NALCN: variants seen among roughly 807,000 people sequenced by gnomAD.
The protein encoded by NALCN is sodium leak channel NALCN.
Under a neutral mutation model 225.3 loss-of-function variants are expected in NALCN, and 111 were observed. That is an observed-to-expected ratio of 0.49 (90% CI 0.42 to 0.58). The LOEUF (loss-of-function observed/expected upper bound fraction) is 0.58, where lower values mean the gene tolerates loss of function less well. NALCN is among the 20% of genes least tolerant of loss of function. The pLI is 0.00. For missense variants in NALCN, 1,378 were observed against 2,202.4 expected (o/e 0.63, Z 7.49); for synonymous variants, 764 against 769.0 (o/e 0.99, Z 0.11).
At chr13:101,335,439 CT>C (rs1444162739) in intron 7 of NALCN, among the ~76,000 whole-genome samples, 5 of 152,138 alleles carry the variant, frequency 3.3e-5, no homozygotes, top group Admixed American at 2.0e-4. Flanking sequence ...GATAAAACTC[CT>C]TGCATTTGGC....
intron 43 of NALCN, among the ~76,000 whole-genome samples, chr13:101,056,280 A>AGAC (rs2031248375): frequency 1.4e-5 from 1 of 70,328 alleles, no homozygotes; most frequent in South Asian, 4.4e-4. Context: ...TTTTTTTGGG[A>AGAC]GACAGGTTCT....
At chr13:101,311,083 G>C in intron 7 of NALCN, among the ~76,000 whole-genome samples, 1 of 151,298 alleles carries the variant, frequency 6.6e-6, no homozygotes, top group Non-Finnish European at 1.5e-5. Flanking sequence ...CACATCCCTC[G>C]TAAGTTGGAT....
intron 17 of NALCN, among the ~76,000 whole-genome samples, chr13:101,127,386 T>C (rs956753267): frequency 6.6e-6 from 1 of 151,980 alleles, no homozygotes; most frequent in Non-Finnish European, 1.5e-5. Flanking sequence ...TGAGAAAGAG[T>C]CTCACTCTGT....
intron 3 of NALCN, among the ~76,000 whole-genome samples, chr13:101,389,417 TC>T (rs763848780): frequency 3.3e-5 from 5 of 152,092 alleles, no homozygotes; most frequent in Non-Finnish European, 1.5e-5. Context: ...TGCAGAAAGA[TC>T]AGAGGCAATG....
chr13:101,160,161 A>G (rs186836649), intron 15 of NALCN, among the ~76,000 whole-genome samples: 51 of 152,178 alleles, frequency 3.4e-4, no homozygotes, highest in Admixed American at 7.2e-4. Context: ...TCACCATGTT[A>G]GCCAGGATGG....
intron 10 of NALCN, among the ~76,000 whole-genome samples, chr13:101,269,870 A>T (rs908458007): frequency 1.3e-5 from 2 of 152,234 alleles, no homozygotes; most frequent in African/African-American, 4.8e-5. Context: ...ATTAAGAATG[A>T]AAATGCTAAA....
chr13:101,114,335 C>T (rs747392409), intron 18 of NALCN, among the ~76,000 whole-genome samples: 12 of 152,092 alleles, frequency 7.9e-5, no homozygotes, highest in African/African-American at 2.2e-4. Context: ...GAAACATCAA[C>T]GCTTTCTTTG....
chr13:101,265,982 T>A (rs2042583245), intron 10 of NALCN, among the ~76,000 whole-genome samples: 1 of 152,226 alleles, frequency 6.6e-6, no homozygotes, highest in Non-Finnish European at 1.5e-5. Flanking sequence ...AGATTTAAGA[T>A]TGCCATGGTT....
intron 1 of NALCN, among the ~76,000 whole-genome samples, chr13:101,403,650 T>G (rs1206231354): frequency 6.6e-6 from 1 of 152,248 alleles, no homozygotes; most frequent in African/African-American, 2.4e-5. Flanking sequence ...TGACTCATTT[T>G]TAATCATTAG....
At chr13:101,335,707 C>CT (rs1169865285) in intron 7 of NALCN, among the ~76,000 whole-genome samples, 135 of 141,298 alleles carry the variant, frequency 9.6e-4, no homozygotes, top group Middle Eastern at 3.9e-3. Flanking sequence ...CCCCTTGGTG[C>CT]TTTTTTTTTT....
At position 101,107,704 on chromosome 13, in the gene NALCN, A is replaced by G. The variant is rs766445481; in HGVS notation, c.2450T>C (p.Met817Thr). ...MIQEKKEQAE[M>T]KRKVQEEELR... Reference sequence around the variant, plus strand: ...ACACTGCAGCAACCTGTACCTTTTCATCTCTGCTTGCTCCTTTTTTTCCTG... The same window carrying G: ...ACACTGCAGCAACCTGTACCTTTTCGTCTCTGCTTGCTCCTTTTTTTCCTG... The change falls in exon 21 of 44, where the codon ATG (methionine) becomes ACG (threonine). Residue 817 changes from methionine to threonine, a missense_variant. Physicochemically the swap from Met to Thr is moderately conservative, Grantham distance 81 (BLOSUM62 -1). This residue lies in a region of NALCN where 292 missense variants were observed against 409.5 expected (regional missense o/e 0.71). Coordinates refer to ENST00000251127, the MANE Select transcript of NALCN (RefSeq NM_052867.4). 3.7e-6 allele frequency: 6 copies of G among 1,613,584 alleles called. No homozygotes were observed. Among genetic ancestry groups the G allele is most frequent in the Non-Finnish European group, 5.1e-6 (6 of 1,179,882 alleles).
chr13:101,091,737 C>G (rs1479007856), intron 28 of NALCN, among the ~76,000 whole-genome samples: 1 of 152,048 alleles, frequency 6.6e-6, no homozygotes, highest in African/African-American at 2.4e-5. Flanking sequence ...GCAAGTGAAC[C>G]GGTTCTCAGA....
rs1257561681 is a variant in NALCN at position 101,206,728 on chromosome 13, AT to A, written c.1627-14675del. Among the ~76,000 whole-genome samples the A allele has an allele frequency of 9.0e-5, 6 of 66,600 alleles. No homozygotes were observed. In the South Asian group the frequency reaches 1.4e-3, roughly 16 times the overall value. The allele number at this position is 66,600 out of a possible 152,430, so 43.7% of individuals were successfully genotyped here. On this transcript the variant is annotated intron_variant, in intron 13 of 43. Transcript: ENST00000251127. ...ATAATTCAAACAACAGGTTTTTTAA[AT>A]ATATATATATATATATACACATATA...
At chr13:101,366,700 G>C (rs959001780) in intron 6 of NALCN, among the ~76,000 whole-genome samples, 1 of 152,072 alleles carries the variant, frequency 6.6e-6, no homozygotes, top group African/African-American at 2.4e-5. Context: ...GTGATGTTTT[G>C]ATGTATGTAT....
chr13:101,366,588 A>AT (rs1383241335), intron 6 of NALCN, among the ~76,000 whole-genome samples: 1 of 152,262 alleles, frequency 6.6e-6, no homozygotes, highest in East Asian at 1.9e-4. Flanking sequence ...CAGCCATCAT[A>AT]CCTTAGCTTA....
chr13:101,256,825 G>A lies in NALCN; in HGVS notation c.1266+1618C>T, dbSNP rs139631624. On this transcript the variant is annotated intron_variant, in intron 11 of 43. Coordinates refer to ENST00000251127, the MANE Select transcript of NALCN (RefSeq NM_052867.4). The stretch of plus-strand genomic sequence containing the variant: ...GTCACCCTGGCTGGAATTCAGTGGT[G>A]CGCTCTTGGCTCACTGCAACCTCCG... Among the ~76,000 whole-genome samples the A allele has an allele frequency of 2.7e-4, 39 of 144,834 alleles. 1 individual carries two copies. The East Asian group carries it at 7.8e-3, about 29-fold the overall frequency.
intron 14 of NALCN, chr13:101,181,313 A>G (rs1213468206): frequency 3.9e-6 from 2 of 519,012 alleles, no homozygotes; most frequent in East Asian, 1.1e-4. Context: ...TGAGTGCCAC[A>G]GAGGTCACGG....
chr13:101,292,375 A>T lies in NALCN; in HGVS notation c.800-9T>A. The stretch of plus-strand genomic sequence containing the variant: ...GGTGAATATACTAGTTCCTGTCATG[A>T]CAGAGGAGGACAGACTGAGTCACAG... On this transcript the variant is annotated splice_polypyrimidine_tract_variant and intron_variant, in intron 7 of 43. Transcript: ENST00000251127. The surrounding 1 kb of genome is among the most constrained non-coding windows in gnomAD (Gnocchi z 4.3). The T allele has an allele frequency of 6.2e-7, 1 of 1,605,198 alleles. No homozygotes were observed. The highest frequency in any genetic ancestry group is 1.3e-5 in the African/African-American group (1 of 74,686).
chr13:101,386,581 C>T (rs1026539701), intron 3 of NALCN, among the ~76,000 whole-genome samples: 4 of 151,828 alleles, frequency 2.6e-5, no homozygotes, highest in South Asian at 4.1e-4. Flanking sequence ...TCATATCTTA[C>T]ATATTTTATA....
Sources: allele counts gnomAD v4.1 joint callset (sites outside exome capture counted in the v4.1 genomes callset), GRCh38; gene constraint gnomAD v4.1.1; regional missense constraint gnomAD v4.1.1; non-coding constraint Gnocchi (gnomAD v3.1); transcripts MANE v1.5; gene names NCBI Gene and HGNC (gene_info 2026-07-23, HGNC 2026-07-21).